POT1: variants seen among roughly 807,000 people sequenced by gnomAD.
POT1 encodes the protein protection of telomeres protein 1.
In POT1, 47 loss-of-function variants were observed where a neutral mutation model predicts 78.5. That is an observed-to-expected ratio of 0.60 (90% CI 0.47 to 0.76). The LOEUF is 0.76. POT1 is among the 30% of genes least tolerant of loss of function. The pLI, the probability that POT1 is intolerant of heterozygous loss-of-function variation, is 0.00. For synonymous variants in POT1, 259 were observed against 260.7 expected (o/e 0.99, Z 0.06); for missense variants, 646 against 749.9 (o/e 0.86, Z 1.62).
chr7:124,836,647 C>G (rs975893297), intron 14 of POT1, among the ~76,000 whole-genome samples: 2 of 152,168 alleles, frequency 1.3e-5, no homozygotes, highest in African/African-American at 2.4e-5. Flanking sequence ...TGGCCAGTCA[C>G]ACGAGTTTGG....
In POT1 at chr7:124,829,836, A is replaced by G. The variant is rs530677268; in HGVS notation, c.1506-494T>C. 2.0e-5 allele frequency among the ~76,000 whole-genome samples: 3 copies of G among 152,164 alleles called. No homozygotes were observed. In the East Asian group the frequency reaches 5.8e-4, roughly 29 times the overall value. On this transcript the variant is annotated intron_variant, in intron 15 of 18. Transcript: ENST00000357628. ...CACCTCAGCCTTCCAAGTAGCTAGAACCACAGTTGCACACCACCATGCCTG... is the reference window on the plus strand; with the variant it reads ...CACCTCAGCCTTCCAAGTAGCTAGAGCCACAGTTGCACACCACCATGCCTG...
At chr7:124,905,428 G>A (rs748429374) in intron 3 of POT1, among the ~76,000 whole-genome samples, 10 of 152,158 alleles carry the variant, frequency 6.6e-5, no homozygotes, top group African/African-American at 2.2e-4. Flanking sequence ...GGCTAGCCAT[G>A]TGTAGAAAGC....
intron 18 of POT1, among the ~76,000 whole-genome samples, chr7:124,824,352 T>A (rs1213997138): frequency 6.6e-6 from 1 of 151,970 alleles, no homozygotes; most frequent in Non-Finnish European, 1.5e-5. Context: ...GTATATATTT[T>A]AAAAATCTAA....
At chr7:124,879,475 GTAACTGGCAT>G (rs968199331) in intron 6 of POT1, among the ~76,000 whole-genome samples, 14 of 152,158 alleles carry the variant, frequency 9.2e-5, no homozygotes, top group Admixed American at 2.0e-4. Context: ...AGTTTGTGGA[GTAACTGGCAT>G]TAATACATTC....
At chr7:124,892,174 T>A (rs1259243604) in intron 6 of POT1, 92 bp downstream of exon 6, 1 of 742,940 alleles carries the variant, frequency 1.3e-6, no homozygotes, top group Non-Finnish European at 2.2e-6. Context: ...GAACTGAGCT[T>A]CTATTCTAGG....
chr7:124,825,914 T>C (rs1794619554), intron 17 of POT1, among the ~76,000 whole-genome samples: 3 of 152,176 alleles, frequency 2.0e-5, no homozygotes, highest in Admixed American at 2.0e-4. Flanking sequence ...TCTTTTCCAA[T>C]CCATGTAGTA....
At chr7:124,927,223 T>G (rs1459215250) in intron 2 of POT1, among the ~76,000 whole-genome samples, 2 of 152,338 alleles carry the variant, frequency 1.3e-5, no homozygotes, top group Non-Finnish European at 2.9e-5. Context: ...TAAGCAAAAC[T>G]AATCTTTCCA....
At chr7:124,912,165 T>C (rs945213146) in intron 3 of POT1, among the ~76,000 whole-genome samples, 5 of 152,024 alleles carry the variant, frequency 3.3e-5, no homozygotes, top group Admixed American at 6.6e-5. Context: ...TCCCACTATG[T>C]GCTAGTAGTG....
At chr7:124,911,457 C>T (rs1489658588) in intron 3 of POT1, among the ~76,000 whole-genome samples, 1 of 152,106 alleles carries the variant, frequency 6.6e-6, no homozygotes, top group Non-Finnish European at 1.5e-5. Context: ...TAGATTAGAA[C>T]TATATTTCAA....
rs557692620 is a variant in POT1 at position 124,888,302 on chromosome 7, T to G, written c.124+3964A>C. ...AACGTGTGGGCTTATTTCTAGGCGC[T>G]CTATTCAATTCCATTAATCAGTATG... is the stretch of plus-strand genomic sequence containing the variant. On this transcript the variant is annotated intron_variant, in intron 6 of 18. Coordinates refer to ENST00000357628, the MANE Select transcript of POT1 (RefSeq NM_015450.3). Among the ~76,000 whole-genome samples the G allele has an allele frequency of 3.3e-4, 50 of 152,222 alleles. No homozygotes were observed. In the South Asian group the frequency reaches 1.0e-2, roughly 30 times the overall value.
At chr7:124,872,544 T>A (rs1795897748) in intron 6 of POT1, among the ~76,000 whole-genome samples, 2 of 152,212 alleles carry the variant, frequency 1.3e-5, no homozygotes, top group Admixed American at 6.5e-5. Context: ...GCAGTGCTTG[T>A]GATCATGTGA....
intron 3 of POT1, among the ~76,000 whole-genome samples, chr7:124,910,267 T>C (rs1309763175): frequency 1.3e-5 from 2 of 151,752 alleles, no homozygotes; most frequent in African/African-American, 4.8e-5. Context: ...AACAACAAAA[T>C]CTTCTCAGAC....
chr7:124,840,308 G>T (rs1794995781), intron 14 of POT1, among the ~76,000 whole-genome samples: 1 of 151,764 alleles, frequency 6.6e-6, no homozygotes, highest in Non-Finnish European at 1.5e-5. Flanking sequence ...CAATGAAAAG[G>T]TTTCAAGGGA....
rs1384754845 is a variant in POT1, at chr7:124,842,899, A to C, written c.1071T>G (p.Pro357=). 2 of 1,609,084 alleles carry C rather than the reference A, an allele frequency of 1.2e-6. No individual in the cohort carries two copies. The highest frequency in any genetic ancestry group is 1.7e-6 in the Non-Finnish European group (2 of 1,178,152). The change falls in exon 13 of 19, where the codon CCT becomes CCG. Residue 357 remains proline, a synonymous_variant. Coordinates refer to ENST00000357628, the MANE Select transcript of POT1 (RefSeq NM_015450.3). ...ATTTTGCTCGGATGCGGTATTGTTG[A>C]GGAGCTTTTTGTTTCAAAATGGCAC... The part of the protein sequence containing the change: ...PLCAILKQKA[P]QQYRIRAKLR...
chr7:124,878,911 G>A (rs1476412313), intron 6 of POT1, among the ~76,000 whole-genome samples: 2 of 151,770 alleles, frequency 1.3e-5, no homozygotes, highest in Non-Finnish European at 2.9e-5. Context: ...CCTGACAGAA[G>A]ACTAGAGAAG....
chr7:124,858,604 C>G (rs1265252627), intron 9 of POT1, among the ~76,000 whole-genome samples: 1 of 151,920 alleles, frequency 6.6e-6, no homozygotes, highest in African/African-American at 2.4e-5. Flanking sequence ...TACATTCTAT[C>G]AAACCAGTTT....
At chr7:124,878,547 C>G (rs1464433637) in intron 6 of POT1, among the ~76,000 whole-genome samples, 2 of 152,072 alleles carry the variant, frequency 1.3e-5, no homozygotes, top group Admixed American at 6.6e-5. Flanking sequence ...TATAATCATT[C>G]CACAATGTAT....
chr7:124,839,861 G>C (rs914805611), intron 14 of POT1, among the ~76,000 whole-genome samples: 1 of 151,930 alleles, frequency 6.6e-6, no homozygotes, highest in Non-Finnish European at 1.5e-5. Context: ...AAAGTCCACA[G>C]TTTACATTAG....
chr7:124,873,265 TTC>T (rs1795912754), intron 6 of POT1, among the ~76,000 whole-genome samples: 1 of 152,202 alleles, frequency 6.6e-6, no homozygotes, highest in South Asian at 2.1e-4. Context: ...CTATGTTTTC[TTC>T]TAGTAGGTTC....
Sources: allele counts gnomAD v4.1 joint callset (sites outside exome capture counted in the v4.1 genomes callset), GRCh38; gene constraint gnomAD v4.1.1; transcripts MANE v1.5; gene names NCBI Gene and HGNC (gene_info 2026-07-23, HGNC 2026-07-21).